The following LDHAL6A variants were observed in gnomAD, a reference collection of about 807,000 sequenced individuals.
LDHAL6A encodes lactate dehydrogenase A like 6A, also known as L-lactate dehydrogenase A-like 6A.
In LDHAL6A, 19 loss-of-function variants were observed where a neutral mutation model predicts 28.2. The observed-to-expected ratio is 0.67, with a 90% CI of 0.47 to 0.99. LDHAL6A has a LOEUF of 0.99. Among genes scored for constraint, LDHAL6A ranks in the 50% least tolerant of loss-of-function variants. The pLI is 0.00. For synonymous variants in LDHAL6A, 144 were observed against 134.4 expected, an observed-to-expected ratio of 1.07 and a Z score of -0.49; for missense variants, 372 against 398.6, an observed-to-expected ratio of 0.93 and a Z score of 0.57.
intron 1 of LDHAL6A, among the ~76,000 whole-genome samples, chr11:18,458,338 G>A (rs2133859154): frequency 6.6e-6 from 1 of 152,292 alleles, no homozygotes; most frequent in African/African-American, 2.4e-5. Flanking sequence ...AGCATCTGTA[G>A]GCTCCACTGG....
intron 1 of LDHAL6A, among the ~76,000 whole-genome samples, chr11:18,457,406 A>C (rs1397346096): frequency 2.0e-5 from 3 of 152,220 alleles, no homozygotes; most frequent in Non-Finnish European, 4.4e-5. Flanking sequence ...GTTTTAATAA[A>C]TCATAAGACA....
chr11:18,472,267 G>A (rs541317771), intron 3 of LDHAL6A, among the ~76,000 whole-genome samples: 2 of 152,264 alleles, frequency 1.3e-5, no homozygotes, highest in South Asian at 4.1e-4. Context: ...CTTTATGTAT[G>A]AGGAAACTTA....
chr11:18,467,979 ACGTATATATATG>A (rs1393638508), intron 3 of LDHAL6A, among the ~76,000 whole-genome samples: 760 of 48,318 alleles, frequency 0.016, 112 homozygotes, highest in Non-Finnish European at 0.016. Flanking sequence ...GTATATATAT[ACGTATATATATG>A]CATATATATA....
chr11:18,460,790 A>G (rs1004509868), intron 1 of LDHAL6A, among the ~76,000 whole-genome samples: 2 of 152,062 alleles, frequency 1.3e-5, no homozygotes, highest in Non-Finnish European at 2.9e-5. Flanking sequence ...AGCACTAACA[A>G]TGTGAATTGG....
At chr11:18,458,453 CCTG>C (rs1848814854) in intron 1 of LDHAL6A, among the ~76,000 whole-genome samples, 1 of 152,180 alleles carries the variant, frequency 6.6e-6, no homozygotes, top group Non-Finnish European at 1.5e-5. Flanking sequence ...CCAGTCACCT[CCTG>C]CTTCTAGAAC....
At chr11:18,467,013 C>T (rs1002221460) in intron 3 of LDHAL6A, among the ~76,000 whole-genome samples, 1 of 151,948 alleles carries the variant, frequency 6.6e-6, no homozygotes, top group Admixed American at 6.6e-5. Context: ...GGGTGGGAGT[C>T]AGTGAGGGAA....
In LDHAL6A at chr11:18,478,767, G is replaced by GT; in HGVS notation, c.897dup (p.Ile300TyrfsTer12). ...GTCCCATGTATCCTGGGAGAGAATGGTATCACAGACCTCATAAAAGTAAAA... is the reference window on the plus strand; with the variant it reads ...GTCCCATGTATCCTGGGAGAGAATGGTTATCACAGACCTCATAAAAGTAAAA... On this transcript the variant is annotated frameshift_variant, in exon 7 of 7. Transcript: ENST00000280706. LOFTEE classifies it low-confidence loss of function (END_TRUNC). The GT allele has an allele frequency of 6.2e-7, 1 of 1,613,204 alleles. No homozygotes were observed. Among genetic ancestry groups the GT allele is most frequent in the Non-Finnish European group, 8.5e-7 (1 of 1,179,268 alleles).
intron 2 of LDHAL6A, among the ~76,000 whole-genome samples, 181 bp downstream of exon 2, chr11:18,464,259 C>G (rs1344555992): frequency 6.6e-6 from 1 of 152,168 alleles, no homozygotes; most frequent in African/African-American, 2.4e-5. Context: ...TCCCACGGCA[C>G]CAGACTGAGT....
chr11:18,461,699 A>C (rs982167495), intron 1 of LDHAL6A, among the ~76,000 whole-genome samples: 4 of 151,030 alleles, frequency 2.6e-5, no homozygotes, highest in Non-Finnish European at 5.9e-5. Context: ...AAACACACAA[A>C]AAATTAGCCG....
At chr11:18,478,644 G>A (rs1024699648) in intron 6 of LDHAL6A, 62 bp from the exon 7 acceptor site, 4 of 1,309,416 alleles carry the variant, frequency 3.1e-6, no homozygotes, top group Non-Finnish European at 4.4e-6. Context: ...CCTCCCAACT[G>A]TTGTTTCTCA....
rs1403244534 is a variant in LDHAL6A, at chr11:18,467,908, T to C, written c.418+2098T>C. Among the ~76,000 whole-genome samples, 9 of 73,702 alleles carry C rather than the reference T, an allele frequency of 1.2e-4. 1 individual carries two copies. The highest frequency in any genetic ancestry group is 3.3e-4 in the African/African-American group (5 of 15,196). 48.4% of individuals were successfully genotyped at this position (73,702 alleles called of 152,430 possible). A position where few individuals can be genotyped will look rare whatever the true frequency, so the allele number is the denominator to read the frequency against. ...ATATATATATATATATATATATATA[T>C]ATATATATATACACACACATATATA... is the stretch of plus-strand genomic sequence containing the variant. On this transcript the variant is annotated intron_variant, in intron 3 of 6. Coordinates refer to ENST00000280706, the MANE Select transcript of LDHAL6A (RefSeq NM_144972.5).
intron 3 of LDHAL6A, among the ~76,000 whole-genome samples, chr11:18,467,863 AT>A (rs112669345): frequency 0.03 from 854 of 28,832 alleles, 27 homozygotes; most frequent in South Asian, 0.069. Context: ...CTCAAAAAAA[AT>A]ATATATATAT....
intron 3 of LDHAL6A, among the ~76,000 whole-genome samples, chr11:18,473,390 T>TAGAC (rs34670581): frequency 0.12 from 18,731 of 151,698 alleles, 1,262 homozygotes; most frequent in Non-Finnish European, 0.14. Context: ...GGTAGGTAGG[T>TAGAC]AGACAGACAG....
At chr11:18,467,005 G>T (rs1396666429) in intron 3 of LDHAL6A, among the ~76,000 whole-genome samples, 3 of 152,188 alleles carry the variant, frequency 2.0e-5, no homozygotes, top group Non-Finnish European at 4.4e-5. Flanking sequence ...TACTGATCGG[G>T]TGGGAGTCAG....
In LDHAL6A at chr11:18,478,721, A is replaced by C. The variant is rs200783360; in HGVS notation, c.850A>C (p.Asn284His). The change falls in exon 7 of 7, where the codon AAT (asparagine) becomes CAT (histidine). Residue 284 changes from asparagine to histidine, a missense_variant. Asn to His is a moderately conservative substitution (Grantham distance 68). This residue lies in a region of LDHAL6A where 291 missense variants were observed against 302.9 expected (regional missense o/e 0.96). Coordinates refer to ENST00000280706, the MANE Select transcript of LDHAL6A (RefSeq NM_144972.5). ...TTACTTTCAGGGCCTCTATGGAATA[A>C]ATGAAGACATATTCCTTAGTGTCCC... ...STLSKGLYGI[N>H]EDIFLSVPCI... The C allele has an allele frequency of 1.2e-6, 2 of 1,608,602 alleles. No homozygotes were observed. The highest frequency in any genetic ancestry group is 2.7e-5 in the African/African-American group (2 of 74,800).
At position 18,478,831 on chromosome 11, in the gene LDHAL6A, A is replaced by G. The variant is rs1266163129; in HGVS notation, c.960A>G (p.Ala320=). Residue 320 remains alanine, a synonymous_variant, in exon 7 of 7, where the codon GCA becomes GCG. Coordinates refer to ENST00000280706, the MANE Select transcript of LDHAL6A (RefSeq NM_144972.5). ...LEEEACLQKS[A]ETLWEIQKEL... ...AGGAGGCCTGCTTGCAAAAGAGTGC[A>G]GAAACACTTTGGGAAATTCAGAAGG... 5 of 1,613,572 alleles carry G rather than the reference A, an allele frequency of 3.1e-6. No individual in the cohort carries two copies. The highest frequency in any genetic ancestry group is 1.7e-5 in the Admixed American group (1 of 59,854).
chr11:18,459,643 A>G (rs1848847457), intron 1 of LDHAL6A, among the ~76,000 whole-genome samples: 1 of 152,194 alleles, frequency 6.6e-6, no homozygotes, highest in Non-Finnish European at 1.5e-5. Flanking sequence ...ATTTGTCACG[A>G]TGAAAGAATG....
At chr11:18,464,719 A>C (rs980790729) in intron 2 of LDHAL6A, among the ~76,000 whole-genome samples, 9 of 151,540 alleles carry the variant, frequency 5.9e-5, no homozygotes, top group South Asian at 2.1e-4. Flanking sequence ...CTGTCTCAAA[A>C]AAAAAAAAAA....
intron 4 of LDHAL6A, among the ~76,000 whole-genome samples, chr11:18,475,901 T>C (rs1265947539): frequency 6.6e-6 from 1 of 152,148 alleles, no homozygotes; most frequent in Non-Finnish European, 1.5e-5. Flanking sequence ...CTAAGTAACA[T>C]GATATAGTTT....
Sources: gnomAD v4.1 joint callset for allele counts (sites outside exome capture counted in the v4.1 genomes callset) on GRCh38, gnomAD v4.1.1 for gene constraint, gnomAD v4.1.1 regional missense constraint, MANE v1.5 for transcripts, NCBI Gene and HGNC (gene_info 2026-07-23, HGNC 2026-07-21) for gene names.